SCARA5: variants seen among roughly 807,000 people sequenced by gnomAD.
The protein encoded by SCARA5 is scavenger receptor class A member 5.
A neutral mutation model predicts 46.3 loss-of-function variants in SCARA5; 45 were observed. The ratio of observed to expected loss-of-function variants is 0.97; its 90% confidence interval spans 0.76 to 1.24. SCARA5 has a LOEUF of 1.24. Ranked by LOEUF, SCARA5 falls within the 50% of genes most tolerant of loss-of-function variation. The probability of loss-of-function intolerance (pLI) is 0.00; values close to 1 mark genes in which losing one functional copy is unlikely to be tolerated. For synonymous variants in SCARA5, 333 were observed against 306.5 expected, an observed-to-expected ratio of 1.09 and a Z score of -0.90; for missense variants, 680 against 689.0, an observed-to-expected ratio of 0.99 and a Z score of 0.15.
chr8:27,941,455 G>T (rs757603748), intron 3 of SCARA5, among the ~76,000 whole-genome samples: 1 of 152,138 alleles, frequency 6.6e-6, no homozygotes, highest in Non-Finnish European at 1.5e-5. Context: ...GTTGTGTGAG[G>T]ACTCAAGAAA....
chr8:27,907,296 G>T, intron 5 of SCARA5, 50 bp from the exon 6 acceptor site: 1 of 1,375,524 alleles, frequency 7.3e-7, no homozygotes. Flanking sequence ...GAACAGGAAG[G>T]ACCCTCAGAG....
chr8:27,928,219 T>C (rs1245991690), intron 3 of SCARA5, among the ~76,000 whole-genome samples: 1 of 152,238 alleles, frequency 6.6e-6, no homozygotes, highest in African/African-American at 2.4e-5. Context: ...GGAATAATTC[T>C]TAGTTGAGTG....
intron 8 of SCARA5, among the ~76,000 whole-genome samples, chr8:27,872,307 T>C (rs1806652374): frequency 6.6e-6 from 1 of 152,216 alleles, no homozygotes; most frequent in African/African-American, 2.4e-5. Context: ...ATATCAGCTA[T>C]GTGTCAGAAG....
chr8:27,974,667 A>C (rs1585522607), intron 2 of SCARA5, among the ~76,000 whole-genome samples: 1 of 150,228 alleles, frequency 6.7e-6, no homozygotes, highest in Non-Finnish European at 1.5e-5. Flanking sequence ...CTCATCACTC[A>C]CATTGTTCAC....
chr8:27,879,681 A>G lies in SCARA5; in HGVS notation c.1239T>C (p.Arg413=), dbSNP rs4732610. ...EGRVEVYHDR[R]WGTVCDDGWD... Reference sequence around the variant, plus strand: ...AGCCGTCGTCACACACGGTGCCCCAACGCCGGTCGTGGTACACTTCCACGC... The same window carrying G: ...AGCCGTCGTCACACACGGTGCCCCAGCGCCGGTCGTGGTACACTTCCACGC... The change falls in exon 8 of 9, where the codon CGT becomes CGC. Residue 413 remains arginine (R), a synonymous_variant. Coordinates refer to ENST00000354914, the MANE Select transcript of SCARA5 (RefSeq NM_173833.6). 1,397,122 of 1,612,950 alleles carry G rather than the reference A, an allele frequency of 0.87. 605,734 individuals are homozygous for G. The highest frequency in any genetic ancestry group is 0.91 in the Admixed American group (54,561 of 60,018).
chr8:27,984,936 C>A (rs547486018), intron 2 of SCARA5, among the ~76,000 whole-genome samples: 3 of 151,998 alleles, frequency 2.0e-5, no homozygotes, highest in Admixed American at 2.0e-4. Flanking sequence ...CCCATTCATC[C>A]ATCCATTCAT....
rs1242608694 is a variant in SCARA5 at position 27,921,957 on chromosome 8, T to G, written c.530A>C (p.Gln177Pro). 24 of 1,542,736 alleles carry G rather than the reference T, an allele frequency of 1.6e-5. No individual in the cohort carries two copies. Among genetic ancestry groups the G allele is most frequent in the South Asian group, 2.4e-5 (2 of 82,046 alleles). The change falls in exon 4 of 9, where the codon CAG (glutamine) becomes CCG (proline). Residue 177 changes from glutamine to proline, a missense_variant. Physicochemically the swap from Gln to Pro is moderately conservative, Grantham distance 76. Around this residue, in one of 3 missense-constraint regions of SCARA5, gnomAD observed 438 missense variants for 384.5 expected, o/e 1.14. Coordinates refer to ENST00000354914, the MANE Select transcript of SCARA5 (RefSeq NM_173833.6). ...VALLRDRTGQQSDTAQLELYQ... is the reference protein window; with the variant it reads ...VALLRDRTGQPSDTAQLELYQ... ...GAGCTCCAGCTGCGCCGTGTCGCTC[T>G]GCTGGCCCGTGCGGTCCCGCAGCAG...
chr8:27,958,155 G>A (rs553107080), intron 3 of SCARA5, among the ~76,000 whole-genome samples: 37 of 152,312 alleles, frequency 2.4e-4, no homozygotes, highest in African/African-American at 8.7e-4. Flanking sequence ...AGAACAGGGA[G>A]TACTTGTCAG....
intron 5 of SCARA5, 98 bp downstream of exon 5, chr8:27,909,565 T>C: frequency 1.2e-6 from 1 of 813,156 alleles, no homozygotes; most frequent in Middle Eastern, 2.3e-4. Context: ...GATTGGGCAC[T>C]CCCCTGGGGA....
chr8:27,934,857 A>T (rs1286699887), intron 3 of SCARA5, among the ~76,000 whole-genome samples: 2 of 152,242 alleles, frequency 1.3e-5, no homozygotes, highest in African/African-American at 4.8e-5. Context: ...GGCCCAAGCC[A>T]ATGGCTAAAG....
intron 7 of SCARA5, among the ~76,000 whole-genome samples, chr8:27,889,710 A>G (rs752288179): frequency 1.6e-4 from 24 of 152,336 alleles, no homozygotes; most frequent in Non-Finnish European, 3.4e-4. Context: ...AATTCATAGA[A>G]ACAGCTTGGT....
intron 6 of SCARA5, among the ~76,000 whole-genome samples, chr8:27,906,324 C>T (rs1176127090): frequency 6.6e-6 from 1 of 152,238 alleles, no homozygotes; most frequent in East Asian, 1.9e-4. Context: ...CATGAAAAGA[C>T]AGACTGACTG....
At chr8:27,974,284 C>T (rs1808491087) in intron 2 of SCARA5, among the ~76,000 whole-genome samples, 2 of 152,212 alleles carry the variant, frequency 1.3e-5, no homozygotes, top group Admixed American at 6.5e-5. Flanking sequence ...CAGTCCCCTT[C>T]ATCAAAATGT....
At chr8:27,936,234 A>C (rs1378547374) in intron 3 of SCARA5, among the ~76,000 whole-genome samples, 1 of 152,096 alleles carries the variant, frequency 6.6e-6, no homozygotes, top group Non-Finnish European at 1.5e-5. Context: ...GGTTGCCTAC[A>C]TAGGTATGGT....
At chr8:27,978,105 C>A (rs566459571) in intron 2 of SCARA5, among the ~76,000 whole-genome samples, 1 of 146,330 alleles carries the variant, frequency 6.8e-6, no homozygotes, top group African/African-American at 2.6e-5. Flanking sequence ...TGGCTCACTG[C>A]AACCTCTGCC....
At chr8:27,950,040 G>A (rs535147490) in intron 3 of SCARA5, among the ~76,000 whole-genome samples, 3 of 152,298 alleles carry the variant, frequency 2.0e-5, no homozygotes, top group Admixed American at 6.5e-5. Flanking sequence ...CCAGCCCACC[G>A]TGGCTCCTTG....
chr8:27,975,190 A>G (rs1808504971), intron 2 of SCARA5, among the ~76,000 whole-genome samples: 1 of 152,168 alleles, frequency 6.6e-6, no homozygotes, highest in African/African-American at 2.4e-5. Flanking sequence ...TAAAAACCCA[A>G]AAGGACTGGG....
intron 4 of SCARA5, among the ~76,000 whole-genome samples, chr8:27,913,126 G>A (rs1807403833): frequency 6.6e-6 from 1 of 152,204 alleles, no homozygotes. Flanking sequence ...GTTTGGCTGG[G>A]TCATCCAAGG....
chr8:27,929,471 C>G (rs1473486043), intron 3 of SCARA5, among the ~76,000 whole-genome samples: 1 of 152,200 alleles, frequency 6.6e-6, no homozygotes, highest in African/African-American at 2.4e-5. Context: ...ACCTTGGGCA[C>G]TGGTGTGAAT....
Sources: allele counts gnomAD v4.1 joint callset (sites outside exome capture counted in the v4.1 genomes callset), GRCh38; gene constraint gnomAD v4.1.1; regional missense constraint gnomAD v4.1.1; transcripts MANE v1.5; gene names NCBI Gene and HGNC (gene_info 2026-07-23, HGNC 2026-07-21).